Variants in MCTP1 observed in about 807,000 individuals in gnomAD.
MCTP1 encodes multiple C2 and transmembrane domain containing 1.
In MCTP1, 69 loss-of-function variants were observed where a neutral mutation model predicts 120.6. The ratio of observed to expected loss-of-function variants is 0.57; its 90% CI spans 0.47 to 0.70. The LOEUF is 0.70. Among genes scored for constraint, MCTP1 ranks in the 30% least tolerant of loss-of-function variants. MCTP1 has a pLI of 0.00. For synonymous variants in MCTP1, 529 were observed against 493.1 expected (o/e 1.07, Z -0.96); for missense variants, 1,203 against 1,248.8 (o/e 0.96, Z 0.55).
At chr5:95,205,543 G>A (rs1751532532) in intron 1 of MCTP1, among the ~76,000 whole-genome samples, 2 of 152,078 alleles carry the variant, frequency 1.3e-5, no homozygotes, top group Admixed American at 1.3e-4. Flanking sequence ...ACAAGAAAGT[G>A]AACAGGCACC....
chr5:95,180,109 A>G (rs143507546), intron 1 of MCTP1, among the ~76,000 whole-genome samples: 21 of 152,340 alleles, frequency 1.4e-4, no homozygotes, highest in African/African-American at 4.8e-4. Flanking sequence ...AATCCTAAAT[A>G]TACATATGCA....
chr5:94,727,671 G>A (rs981970769), intron 19 of MCTP1, among the ~76,000 whole-genome samples: 1 of 152,160 alleles, frequency 6.6e-6, no homozygotes, highest in African/African-American at 2.4e-5. Context: ...CAGGATAAAA[G>A]CAATGTCAAA....
At chr5:94,728,996 C>A (rs60887199) in intron 19 of MCTP1, among the ~76,000 whole-genome samples, 2,472 of 152,212 alleles carry the variant, frequency 0.016, 68 homozygotes, top group African/African-American at 0.055. Context: ...TAGCACCAAG[C>A]AAATACATGG....
chr5:94,717,372 C>T (rs1759733484), intron 19 of MCTP1, among the ~76,000 whole-genome samples: 1 of 152,072 alleles, frequency 6.6e-6, no homozygotes, highest in Admixed American at 6.6e-5. Flanking sequence ...GAACATACCT[C>T]AAAATAAAAA....
chr5:94,755,693 T>C (rs1456100830), intron 19 of MCTP1, among the ~76,000 whole-genome samples: 1 of 152,184 alleles, frequency 6.6e-6, no homozygotes, highest in African/African-American at 2.4e-5. Context: ...TCCTTTTCAG[T>C]ATATGTTCTG....
chr5:94,867,045 G>C, intron 17 of MCTP1: 1 of 316,958 alleles, frequency 3.2e-6, no homozygotes, highest in Admixed American at 4.9e-5. Context: ...CATAAAACCT[G>C]GAAGTAATAG....
At chr5:95,206,784 C>G (rs970066406) in intron 1 of MCTP1, among the ~76,000 whole-genome samples, 3 of 152,168 alleles carry the variant, frequency 2.0e-5, no homozygotes, top group Non-Finnish European at 4.4e-5. Context: ...GATCCACCCC[C>G]CTCGGCCTCC....
Position 94,927,724 on chromosome 5 carries a change from T to G in MCTP1, c.1213-3703A>C, listed in dbSNP as rs946468663. ...TTAGTTAAATTAAAGCACTTAGAGTTTTTGCTGATGCATTTTTAATGTGTC... is the reference window on the plus strand; with the variant it reads ...TTAGTTAAATTAAAGCACTTAGAGTGTTTGCTGATGCATTTTTAATGTGTC... On this transcript the variant is annotated intron_variant, in intron 6 of 22. Coordinates refer to ENST00000515393, the MANE Select transcript of MCTP1 (RefSeq NM_024717.7). 4.1e-4 allele frequency among the ~76,000 whole-genome samples: 62 copies of G among 152,144 alleles called. 1 individual carries two copies.
At chr5:94,893,996 T>A (rs1005909534) in intron 11 of MCTP1, among the ~76,000 whole-genome samples, 3 of 152,172 alleles carry the variant, frequency 2.0e-5, no homozygotes, top group African/African-American at 7.2e-5. Context: ...TGGTGGGAAA[T>A]GTCCAGCGGG....
intron 1 of MCTP1, among the ~76,000 whole-genome samples, chr5:95,062,788 A>G (rs1216550639): frequency 7.6e-6 from 1 of 131,638 alleles, no homozygotes; most frequent in Admixed American, 8.3e-5. Context: ...CCAGGAACTG[A>G]TCTCTGTTTT....
intron 18 of MCTP1, among the ~76,000 whole-genome samples, chr5:94,787,639 C>CG (rs1281980931): frequency 1.7e-4 from 25 of 146,542 alleles, no homozygotes; most frequent in African/African-American, 6.6e-4. Context: ...TTTTTTGAGA[C>CG]GGCGTCTCCC....
intron 1 of MCTP1, among the ~76,000 whole-genome samples, chr5:95,210,680 A>G (rs1752247973): frequency 1.3e-5 from 2 of 151,264 alleles, no homozygotes; most frequent in Non-Finnish European, 2.9e-5. Flanking sequence ...TTACATTTAA[A>G]GTTAATATTG....
chr5:95,229,532 A>C lies in MCTP1; in HGVS notation c.720+54324T>G, dbSNP rs766675455. Among the ~76,000 whole-genome samples, 80 of 152,244 alleles carry C rather than the reference A, an allele frequency of 5.3e-4. 1 individual carries two copies. The highest frequency in any genetic ancestry group is 8.7e-4 in the Non-Finnish European group (59 of 68,026). On this transcript the variant is annotated intron_variant, in intron 1 of 22. Transcript: ENST00000515393. ...CACTTTGGGAGGCCGGCAGATCACA[A>C]GGTCAGGAGTTTGAGACCAGCCTGG...
chr5:94,956,395 C>A (rs1434533524), intron 2 of MCTP1, among the ~76,000 whole-genome samples: 1 of 152,124 alleles, frequency 6.6e-6, no homozygotes, highest in Non-Finnish European at 1.5e-5. Context: ...AGCAAGGGAA[C>A]AAAACTGGAT....
intron 1 of MCTP1, among the ~76,000 whole-genome samples, chr5:95,228,589 T>C (rs1754561322): frequency 6.6e-6 from 1 of 151,810 alleles, no homozygotes; most frequent in South Asian, 2.1e-4. Flanking sequence ...GAACCCAAAT[T>C]AGTAGATAAT....
chr5:94,895,690 T>A (rs1358523660), intron 10 of MCTP1, among the ~76,000 whole-genome samples: 1 of 152,198 alleles, frequency 6.6e-6, no homozygotes, highest in Non-Finnish European at 1.5e-5. Flanking sequence ...TATTCCTCAC[T>A]CTATTTGGTA....
At chr5:94,924,518 A>T (rs1362752144) in intron 6 of MCTP1, among the ~76,000 whole-genome samples, 1 of 152,180 alleles carries the variant, frequency 6.6e-6, no homozygotes, top group African/African-American at 2.4e-5. Flanking sequence ...ATAGTAAGTG[A>T]CTTAGTTAAC....
rs57358026 is a variant in MCTP1, at chr5:94,952,171, C to CAAAA, written c.981+1044_981+1047dup. Among the ~76,000 whole-genome samples, 44 of 87,866 alleles carry CAAAA rather than the reference C, an allele frequency of 5.0e-4. 2 individuals carry two copies. The highest frequency in any genetic ancestry group is 6.5e-4 in the Non-Finnish European group (30 of 46,102). 57.6% of individuals were successfully genotyped at this position (87,866 alleles called of 152,430 possible). On this transcript the variant is annotated intron_variant, in intron 3 of 22. Transcript: ENST00000515393. ...TGGGTGACAGAATGAGACTTTGTCGCAAAAAAAAAAAAAAAAAAAAAAGCT... is the reference window on the plus strand; with the variant it reads ...TGGGTGACAGAATGAGACTTTGTCGCAAAAAAAAAAAAAAAAAAAAAAAAAAGCT...
intron 17 of MCTP1, among the ~76,000 whole-genome samples, chr5:94,828,622 G>A (rs962626705): frequency 3.5e-4 from 54 of 152,338 alleles, no homozygotes; most frequent in African/African-American, 1.2e-3. Flanking sequence ...CCTGACTAGG[G>A]CTGGTGCCTT....
Sources: allele counts gnomAD v4.1 joint callset (sites outside exome capture counted in the v4.1 genomes callset), GRCh38; gene constraint gnomAD v4.1.1; transcripts MANE v1.5; gene names NCBI Gene and HGNC (gene_info 2026-07-23, HGNC 2026-07-21).